The following TCF4 variants were observed in gnomAD, a reference collection of about 807,000 sequenced individuals.
TCF4 encodes SL3-3 enhancer factor 2.
In TCF4, 3 loss-of-function variants were observed where a neutral mutation model predicts 82.1. The ratio of observed to expected loss-of-function variants is 0.04; its 90% CI spans 0.02 to 0.09. The LOEUF (loss-of-function observed/expected upper bound fraction) is 0.09, where lower values mean the gene tolerates loss of function less well. TCF4 is among the 10% of genes least tolerant of loss of function. The pLI is 1.00. For missense variants in TCF4, 518 were observed against 852.7 expected (o/e 0.61, Z 4.89); for synonymous variants, 276 against 309.6 (o/e 0.89, Z 1.14).
chr18:55,588,274 G>A, upstream of TCF4: 1 of 1,439,940 alleles, frequency 6.9e-7, no homozygotes, highest in Non-Finnish European at 9.1e-7. Flanking sequence ...GGGGGGAGGG[G>A]GAAACACGCC....
At chr18:55,299,472 G>GTTTTTTTTTTTTTTTTTTTTTTTTTTTT in intron 8 of TCF4, among the ~76,000 whole-genome samples, 1 of 146,290 alleles carries the variant, frequency 6.8e-6, no homozygotes. Flanking sequence ...TTTTTTTTGG[G>GTTTTTTTTTTTTTTTTTTTTTTTTTTTT]TCTGGTTTGC....
intron 3 of TCF4, among the ~76,000 whole-genome samples, chr18:55,566,894 G>A (rs2097413559): frequency 6.6e-6 from 1 of 152,148 alleles, no homozygotes; most frequent in Admixed American, 6.5e-5. Flanking sequence ...GAACAATGTA[G>A]ACCAAATAGA....
intron 14 of TCF4, among the ~76,000 whole-genome samples, chr18:55,256,268 C>A (rs564830398): frequency 6.6e-6 from 1 of 152,088 alleles, no homozygotes; most frequent in African/African-American, 2.4e-5. Context: ...ACTATACACC[C>A]CGTCTTTACA....
intron 2 of TCF4, among the ~76,000 whole-genome samples, chr18:55,627,233 GA>G (rs1332248929): frequency 6.6e-6 from 1 of 152,178 alleles, no homozygotes; most frequent in Non-Finnish European, 1.5e-5. Flanking sequence ...AACATGTCCA[GA>G]AGAATGTTTT....
chr18:55,553,024 A>G (rs1339978652), intron 3 of TCF4, among the ~76,000 whole-genome samples: 1 of 152,200 alleles, frequency 6.6e-6, no homozygotes, highest in Non-Finnish European at 1.5e-5. Flanking sequence ...AAAGCACAGA[A>G]GTGTCACATA....
intron 2 of TCF4, among the ~76,000 whole-genome samples, chr18:55,603,464 GTAT>G (rs371440891): frequency 7.0e-4 from 107 of 152,130 alleles, no homozygotes; most frequent in African/African-American, 2.0e-3. Flanking sequence ...ATTAAGTTAG[GTAT>G]TATTATTATT....
chr18:55,350,373 C>G lies in TCF4; in HGVS notation c.535G>C (p.Gly179Arg). Residue 179 changes from glycine to arginine, a missense_variant, in exon 8 of 20, where the codon GGT becomes CGT. Physicochemically the swap from Gly to Arg is moderately radical, Grantham distance 125 (BLOSUM62 -2). Around this residue, in one of 7 missense-constraint regions of TCF4, gnomAD observed 211 missense variants for 327.4 expected, o/e 0.64. Coordinates refer to ENST00000354452, the MANE Select transcript of TCF4 (RefSeq NM_001083962.2). ...GCAGTACTTACTGAAGATGGCAAAC[C>G]TGGAGGAACTTTTCGAACTTTCTTT... Reference protein sequence around the residue: ...QTKKVRKVPPGLPSSVYAPSA... With the variant: ...QTKKVRKVPPRLPSSVYAPSA... 1 of 1,613,614 alleles carries G rather than the reference C, an allele frequency of 6.2e-7. No homozygotes were observed. Among genetic ancestry groups the G allele is most frequent in the Non-Finnish European group, 8.5e-7 (1 of 1,179,684 alleles).
At chr18:55,424,374 C>G (rs1436987875) in intron 5 of TCF4, among the ~76,000 whole-genome samples, 1 of 152,126 alleles carries the variant, frequency 6.6e-6, no homozygotes, top group Non-Finnish European at 1.5e-5. Context: ...AATCACTGAA[C>G]CCAAATGAAA....
At chr18:55,467,735 G>T (rs1430337285) in intron 3 of TCF4, among the ~76,000 whole-genome samples, 2 of 152,110 alleles carry the variant, frequency 1.3e-5, no homozygotes, top group Non-Finnish European at 2.9e-5. Flanking sequence ...TCCTGCTAGG[G>T]TACCAGGACA....
chr18:55,324,861 A>G (rs906812387), intron 8 of TCF4, among the ~76,000 whole-genome samples: 12 of 152,188 alleles, frequency 7.9e-5, no homozygotes, highest in African/African-American at 2.9e-4. Context: ...AATTCTTACC[A>G]GCAAACTGTC....
chr18:55,613,981 T>C (rs2097709522), intron 2 of TCF4, among the ~76,000 whole-genome samples: 4 of 152,222 alleles, frequency 2.6e-5, no homozygotes, highest in African/African-American at 9.6e-5. Flanking sequence ...AGCAGTGTCA[T>C]GATCATAGCT....
At chr18:55,478,716 A>T (rs2096354940) in intron 3 of TCF4, among the ~76,000 whole-genome samples, 1 of 151,920 alleles carries the variant, frequency 6.6e-6, no homozygotes, top group East Asian at 1.9e-4. Flanking sequence ...TGTTTGTAAA[A>T]GGCCCCCACT....
intron 5 of TCF4, among the ~76,000 whole-genome samples, chr18:55,420,890 G>A (rs1412775321): frequency 7.1e-6 from 1 of 140,002 alleles, no homozygotes; most frequent in African/African-American, 2.7e-5. Flanking sequence ...AGCAGAAAGC[G>A]CTTTAAAAGA....
rs1348000688 is a variant in TCF4 at position 55,224,918 on chromosome 18, C to A, written c.*3117G>T. ...AGCCTAAGTGTCGTCATACAGATAG[C>A]GTAGTATGGACCCTTTTGAAATTTT... On this transcript the variant is annotated 3_prime_UTR_variant, in exon 20 of 20. Transcript: ENST00000354452. 2.0e-5 allele frequency: 3 copies of A among 152,408 alleles called. No homozygotes were observed. The highest frequency in any genetic ancestry group is 2.9e-5 in the Non-Finnish European group (2 of 68,010). The allele number at this position is 152,408 out of a possible 1,614,324, so 9.4% of individuals were successfully genotyped here.
chr18:55,235,519 G>A (rs1339171225), intron 15 of TCF4, among the ~76,000 whole-genome samples: 1 of 152,004 alleles, frequency 6.6e-6, no homozygotes, highest in Non-Finnish European at 1.5e-5. Flanking sequence ...AGTACAGCAT[G>A]ATTACTTCAT....
chr18:55,342,787 G>C (rs2080283103), intron 8 of TCF4, among the ~76,000 whole-genome samples: 1 of 152,120 alleles, frequency 6.6e-6, no homozygotes, highest in East Asian at 1.9e-4. Flanking sequence ...TTATTGTACT[G>C]TGTTAATGTA....
chr18:55,228,108 C>T, intron 19 of TCF4, 78 bp from the exon 20 acceptor site: 1 of 1,374,742 alleles, frequency 7.3e-7, no homozygotes, highest in Non-Finnish European at 1.0e-6. Flanking sequence ...AAAAAAAATT[C>T]TTTTTCCATG....
At chr18:55,580,017 T>C (rs1318669286) in intron 3 of TCF4, among the ~76,000 whole-genome samples, 1 of 152,054 alleles carries the variant, frequency 6.6e-6, no homozygotes, top group African/African-American at 2.4e-5. Context: ...TCATCTGTTA[T>C]TTAAGTGATT....
chr18:55,326,941 A>C (rs746463503), intron 8 of TCF4, among the ~76,000 whole-genome samples: 3 of 152,198 alleles, frequency 2.0e-5, no homozygotes, highest in Non-Finnish European at 4.4e-5. Flanking sequence ...AATCCCTAAT[A>C]GGTATGAGTA....
Sources: allele counts gnomAD v4.1 joint callset (sites outside exome capture counted in the v4.1 genomes callset), GRCh38; gene constraint gnomAD v4.1.1; regional missense constraint gnomAD v4.1.1; transcripts MANE v1.5; gene names NCBI Gene and HGNC (gene_info 2026-07-23, HGNC 2026-07-21).